WNT9B: variants seen among roughly 807,000 people sequenced by gnomAD.
WNT9B encodes the protein protein Wnt-9b.
WNT9B carries 12 observed loss-of-function variants against 30.2 expected under a neutral mutation model. The ratio of observed to expected loss-of-function variants is 0.40; its 90% confidence interval spans 0.26 to 0.64. The LOEUF (loss-of-function observed/expected upper bound fraction) is 0.64, where lower values mean the gene tolerates loss of function less well. Ranked by LOEUF, WNT9B falls within the 30% of genes least tolerant of loss-of-function variation. WNT9B has a pLI of 0.42. For missense variants in WNT9B, 442 were observed against 485.2 expected (o/e 0.91, Z 0.84); for synonymous variants, 218 against 216.9 (o/e 1.01, Z -0.05).
At chr17:46,848,255 G>A (rs746562427), upstream of WNT9B, among the ~76,000 whole-genome samples, 11 of 152,210 alleles carry the variant, frequency 7.2e-5, no homozygotes, top group Non-Finnish European at 1.6e-4. Flanking sequence ...GCCCGTGTCC[G>A]AGCCCAGGAA....
At chr17:46,859,228 G>T (rs1435063057) in intron 1 of WNT9B, among the ~76,000 whole-genome samples, 1 of 151,990 alleles carries the variant, frequency 6.6e-6, no homozygotes, top group Non-Finnish European at 1.5e-5. Context: ...CACCTGCCTC[G>T]GCCTCCCAAA....
intron 1 of WNT9B, among the ~76,000 whole-genome samples, chr17:46,863,091 C>T (rs1231917823): frequency 6.9e-6 from 1 of 145,756 alleles, no homozygotes; most frequent in Non-Finnish European, 1.5e-5. Flanking sequence ...AGAGCATACG[C>T]CAGCAATCAG....
chr17:46,841,506 T>A (rs2146524345), intron 1 of WNT9B, among the ~76,000 whole-genome samples: 1 of 152,296 alleles, frequency 6.6e-6, no homozygotes, highest in South Asian at 2.1e-4. Flanking sequence ...GTCCTCAAGG[T>A]CGTGCCAACA....
At chr17:46,846,689 T>TA (rs568845811), upstream of WNT9B, among the ~76,000 whole-genome samples, 76 of 152,304 alleles carry the variant, frequency 5.0e-4, no homozygotes, top group African/African-American at 1.8e-3. Flanking sequence ...TGCTGCTGGA[T>TA]AAAGGGCTGG....
chr17:46,855,390 T>C (rs1206411882), intron 1 of WNT9B, among the ~76,000 whole-genome samples: 1 of 152,200 alleles, frequency 6.6e-6, no homozygotes. Context: ...AACAGCATGA[T>C]GGCAGTGGGA....
At chr17:46,839,374 C>T (rs1463504601) in intron 1 of WNT9B, among the ~76,000 whole-genome samples, 2 of 152,198 alleles carry the variant, frequency 1.3e-5, no homozygotes, top group African/African-American at 4.8e-5. Context: ...CCTGGCGGGT[C>T]CAGGCAGCAC....
At chr17:46,873,094 A>T (rs1259387310) in intron 2 of WNT9B, among the ~76,000 whole-genome samples, 35 of 42,546 alleles carry the variant, frequency 8.2e-4, no homozygotes, top group African/African-American at 2.1e-3. Context: ...CTTCACACAC[A>T]CACACACACA....
At chr17:46,847,680 G>T (rs543051119), upstream of WNT9B, among the ~76,000 whole-genome samples, 18 of 152,288 alleles carry the variant, frequency 1.2e-4, no homozygotes, top group Admixed American at 2.6e-4. Context: ...CGGAGCTGCT[G>T]GGGCATCATC....
At chr17:46,867,532 A>G (rs1299664490) in intron 1 of WNT9B, among the ~76,000 whole-genome samples, 1 of 151,996 alleles carries the variant, frequency 6.6e-6, no homozygotes. Context: ...CTTGGGCCCC[A>G]CTCTCCAGGC....
rs564492789 is a variant in WNT9B at position 46,851,811 on chromosome 17, G to T, written c.77+96G>T. On this transcript the variant is annotated intron_variant, in intron 1 of 3. Transcript: ENST00000290015. The surrounding 1 kb of genome is among the most constrained non-coding windows in gnomAD (Gnocchi z 4.3). ...CAATTTTTCCCTCCCGCTGTCCTTG[G>T]CCCCGCCGAGGTCTCGAACTCAGAC... 23 of 612,568 alleles carry T rather than the reference G, an allele frequency of 3.8e-5. No individual in the cohort carries two copies. Among genetic ancestry groups the T allele is most frequent in the African/African-American group, 3.6e-4 (19 of 52,196 alleles). The allele number at this position is 612,568 out of a possible 1,614,324, so 37.9% of individuals were successfully genotyped here.
At chr17:46,862,983 G>C (rs1292611988) in intron 1 of WNT9B, among the ~76,000 whole-genome samples, 1 of 152,248 alleles carries the variant, frequency 6.6e-6, no homozygotes, top group African/African-American at 2.4e-5. Flanking sequence ...CAGGAACTGA[G>C]GTTCAGAGGG....
At chr17:46,869,667 T>C (rs747208566) in intron 1 of WNT9B, among the ~76,000 whole-genome samples, 1 of 152,068 alleles carries the variant, frequency 6.6e-6, no homozygotes, top group African/African-American at 2.4e-5. Context: ...AAACCAACTT[T>C]GAGCCTTCGC....
Position 46,878,455 on chromosome 17 carries a change from G to C in WNT9B, c.*1737G>C, listed in dbSNP as rs2085378812. ...CTGGATGCTGGAAGGATTTTTGACT[G>C]CAGAGGCCCGGCTGAGAAGCCAAAC... On this transcript the variant is annotated 3_prime_UTR_variant, in exon 4 of 4. Transcript: ENST00000290015. Among the ~76,000 whole-genome samples the C allele has an allele frequency of 6.6e-6, 1 of 152,226 alleles. No individual in the cohort carries two copies. Among genetic ancestry groups the C allele is most frequent in the South Asian group, 2.1e-4 (1 of 4,828 alleles).
In WNT9B at chr17:46,843,877, A is replaced by G. The variant is rs2084743680; in HGVS notation, c.95+10437A>G. On this transcript the variant is annotated intron_variant, in intron 1 of 2. Coordinates refer to the WNT9B transcript ENST00000575372. The stretch of plus-strand genomic sequence containing the variant: ...CTCAAGGACAAGAACTGACTTCATC[A>G]TCTCCTATTCCAGGGTTTAGCACCA... 2.6e-5 allele frequency among the ~76,000 whole-genome samples: 4 copies of G among 152,360 alleles called. No homozygotes were observed. The South Asian group carries it at 8.3e-4, about 32-fold the overall frequency.
Position 46,851,996 on chromosome 17 carries a change from C to T in WNT9B, c.77+281C>T, listed in dbSNP as rs1359870555. Among the ~76,000 whole-genome samples the T allele has an allele frequency of 6.6e-6, 1 of 152,188 alleles. No individual in the cohort carries two copies. The highest frequency in any genetic ancestry group is 1.5e-5 in the Non-Finnish European group (1 of 68,030). ...TCATCCCGCCGGGTCTCGGACTCTG[C>T]GCACGCCTCGGACCCTGGCCCCGTC... On this transcript the variant is annotated intron_variant, in intron 1 of 3. Coordinates refer to ENST00000290015, the MANE Select transcript of WNT9B (RefSeq NM_003396.3). This position sits in a 1 kb window ranked among gnomAD's most constrained non-coding sequence, Gnocchi z 4.3.
chr17:46,875,257 A>T lies in WNT9B; in HGVS notation c.491A>T (p.Asp164Val), dbSNP rs1422190478. Residue 164 changes from aspartate to valine, a missense_variant, in exon 3 of 4, where the codon GAC (aspartate) becomes GTC (valine). Physicochemically the swap from Asp to Val is radical, Grantham distance 152. Coordinates refer to ENST00000290015, the MANE Select transcript of WNT9B (RefSeq NM_003396.3). ...GCCTGGCAGTGGGGCGTGTGCGGTG[A>T]CAACCTCAAGTACAGCACCAAGTTT... The part of the protein sequence containing the change: ...RQAWQWGVCG[D>V]NLKYSTKFLS... 6.2e-7 allele frequency: 1 copy of T among 1,614,180 alleles called. No individual in the cohort carries two copies. Among genetic ancestry groups the T allele is most frequent in the Non-Finnish European group, 8.5e-7 (1 of 1,180,020 alleles).
Position 46,851,731 on chromosome 17 carries a change from G to A in WNT9B, c.77+16G>A. 1 of 1,248,748 alleles carries A rather than the reference G, an allele frequency of 8.0e-7. No homozygotes were observed. Among genetic ancestry groups the A allele is most frequent in the Non-Finnish European group, 1.0e-6 (1 of 994,252 alleles). 77.4% of individuals were successfully genotyped at this position (1,248,748 alleles called of 1,614,324 possible). Reference sequence around the variant, plus strand: ...CCTACTTCGGGTCAGTGCCCGCCGCGCCCCCCGCCCGCTCCCCGGCCTGCC... The same window carrying A: ...CCTACTTCGGGTCAGTGCCCGCCGCACCCCCCGCCCGCTCCCCGGCCTGCC... On this transcript the variant is annotated intron_variant, in intron 1 of 3. Transcript: ENST00000290015. The surrounding 1 kb of genome is among the most constrained non-coding windows in gnomAD (Gnocchi z 4.3).
chr17:46,876,416 C>T lies in WNT9B; in HGVS notation c.772C>T (p.Arg258Cys), dbSNP rs771539878. The T allele has an allele frequency of 1.4e-5, 23 of 1,613,696 alleles. No homozygotes were observed. The highest frequency in any genetic ancestry group is 2.7e-5 in the African/African-American group (2 of 74,956). The change falls in exon 4 of 4, where the codon CGC (arginine) becomes TGC (cysteine). Residue 258 changes from arginine to cysteine, a missense_variant. By Grantham distance (180) the Arg-to-Cys change is radical. Coordinates refer to ENST00000290015, the MANE Select transcript of WNT9B (RefSeq NM_003396.3). ...CAGTGCCACCAATGAGGCCTTGGGC[C>T]GCCTAGAGCTGTGGGCCCCTGCCAG... ...VSSATNEALG[R>C]LELWAPARQG...
In WNT9B at chr17:46,876,821, T is replaced by G; in HGVS notation, c.*103T>G. ...GGCAGACTGTCATCACATGCATGCA[T>G]AAACCGGCATGTGTGCCAATGCACA... On this transcript the variant is annotated 3_prime_UTR_variant, in exon 4 of 4. Transcript: ENST00000290015. 1.4e-6 allele frequency: 2 copies of G among 1,441,184 alleles called. No individual in the cohort carries two copies. The highest frequency in any genetic ancestry group is 1.8e-6 in the Non-Finnish European group (2 of 1,093,054). 89.3% of individuals were successfully genotyped at this position (1,441,184 alleles called of 1,614,324 possible).
Sources: gnomAD v4.1 joint callset for allele counts (sites outside exome capture counted in the v4.1 genomes callset) on GRCh38, gnomAD v4.1.1 for gene constraint, Gnocchi (gnomAD v3.1) non-coding constraint, MANE v1.5 for transcripts, NCBI Gene and HGNC (gene_info 2026-07-23, HGNC 2026-07-21) for gene names.